The following ERGIC1 variants were observed in gnomAD, a reference collection of about 807,000 sequenced individuals.
ERGIC1 encodes the protein endoplasmic reticulum-Golgi intermediate compartment protein 1.
Under a neutral mutation model 38.3 loss-of-function variants are expected in ERGIC1, and 19 were observed. The observed-to-expected ratio is 0.50, with a 90% CI of 0.35 to 0.73. The LOEUF (loss-of-function observed/expected upper bound fraction) is 0.73. Ranked by LOEUF, ERGIC1 falls within the 30% of genes least tolerant of loss-of-function variation. The probability of loss-of-function intolerance (pLI) is 0.01; values close to 1 mark genes in which losing one functional copy is unlikely to be tolerated. For synonymous variants in ERGIC1, 124 were observed against 157.6 expected (o/e 0.79, Z 1.60); for missense variants, 294 against 389.2 (o/e 0.76, Z 2.06).
intron 1 of ERGIC1, among the ~76,000 whole-genome samples, chr5:172,883,811 A>G (rs1447234198): frequency 1.3e-5 from 2 of 152,104 alleles, no homozygotes; most frequent in African/African-American, 2.4e-5. Flanking sequence ...GCAAAACCCC[A>G]TCCCTACAAA....
chr5:172,924,904 C>T (rs527650046), intron 6 of ERGIC1, among the ~76,000 whole-genome samples: 2 of 152,294 alleles, frequency 1.3e-5, no homozygotes, highest in East Asian at 3.9e-4. Flanking sequence ...CCCTGCCCAC[C>T]TGGAGCTTCC....
chr5:172,910,085 G>A (rs962462924), intron 4 of ERGIC1, among the ~76,000 whole-genome samples: 1 of 152,152 alleles, frequency 6.6e-6, no homozygotes, highest in African/African-American at 2.4e-5. Flanking sequence ...AAGCTGTAAG[G>A]GAGAAACGCA....
intron 7 of ERGIC1, chr5:172,930,956 T>A (rs1341619104): frequency 6.6e-6 from 1 of 152,210 alleles, no homozygotes; most frequent in Non-Finnish European, 1.5e-5. Context: ...GCAGGACTTT[T>A]CTCGGGTTTT....
intron 1 of ERGIC1, among the ~76,000 whole-genome samples, chr5:172,843,425 G>A (rs1317021168): frequency 6.6e-6 from 1 of 152,192 alleles, no homozygotes; most frequent in Non-Finnish European, 1.5e-5. Context: ...CTGCTTTGCT[G>A]ATTTTTCTTG....
chr5:172,834,502 G>C lies in ERGIC1; in HGVS notation c.20+69G>C. The C allele has an allele frequency of 8.0e-7, 1 of 1,256,540 alleles. No homozygotes were observed. The highest frequency in any genetic ancestry group is 1.0e-6 in the Non-Finnish European group (1 of 997,156). 77.8% of individuals were successfully genotyped at this position (1,256,540 alleles called of 1,614,324 possible). On this transcript the variant is annotated intron_variant, in intron 1 of 9. Coordinates refer to ENST00000393784, the MANE Select transcript of ERGIC1 (RefSeq NM_001031711.3). The surrounding 1 kb of genome is among the most constrained non-coding windows in gnomAD (Gnocchi z 4.1). ...CAGAGGGAGCGCCCCGGCACGCCGC[G>C]GACCCCTCCCGCCCTGCATGCAAAA...
chr5:172,941,154 C>T (rs1764002986), intron 9 of ERGIC1, among the ~76,000 whole-genome samples: 1 of 152,048 alleles, frequency 6.6e-6, no homozygotes, highest in Non-Finnish European at 1.5e-5. Context: ...CGCCTGTAGT[C>T]CCAGCTACTG....
intron 1 of ERGIC1, among the ~76,000 whole-genome samples, chr5:172,882,676 T>C (rs1386879824): frequency 6.6e-6 from 1 of 152,180 alleles, no homozygotes; most frequent in Non-Finnish European, 1.5e-5. Flanking sequence ...GAAGTGATTA[T>C]GGTTAAGCAT....
At chr5:172,877,393 C>T (rs913390716) in intron 1 of ERGIC1, among the ~76,000 whole-genome samples, 1 of 143,844 alleles carries the variant, frequency 7.0e-6, no homozygotes, top group Non-Finnish European at 1.5e-5. Context: ...TCAAATTTAT[C>T]TCTAAATATT....
intron 2 of ERGIC1, among the ~76,000 whole-genome samples, chr5:172,895,715 G>A (rs1420684838): frequency 6.6e-6 from 1 of 152,044 alleles, no homozygotes; most frequent in Non-Finnish European, 1.5e-5. Flanking sequence ...CATGTGAGTC[G>A]GGCCTGGGAG....
At chr5:172,839,903 C>T (rs376843450) in intron 1 of ERGIC1, among the ~76,000 whole-genome samples, 3 of 152,348 alleles carry the variant, frequency 2.0e-5, no homozygotes, top group African/African-American at 7.2e-5. Context: ...CAGAGCTCCA[C>T]TGTGTCCTGT....
chr5:172,923,904 C>T (rs1311629573), intron 5 of ERGIC1, 101 bp from the exon 6 acceptor site: 1 of 1,035,978 alleles, frequency 9.7e-7, no homozygotes, highest in Admixed American at 2.0e-5. Context: ...CCCAGATCTG[C>T]CTGATTCCAG....
Position 172,926,788 on chromosome 5 carries a change from C to T in ERGIC1, c.541+219C>T. 1 of 586,400 alleles carries T rather than the reference C, an allele frequency of 1.7e-6. No homozygotes were observed. The highest frequency in any genetic ancestry group is 2.8e-5 in the East Asian group (1 of 35,444). 36.3% of individuals were successfully genotyped at this position (586,400 alleles called of 1,614,324 possible). On this transcript the variant is annotated intron_variant, in intron 7 of 9. Transcript: ENST00000393784. This position sits in a 1 kb window ranked among gnomAD's most constrained non-coding sequence, Gnocchi z 5.2. ...AGAAGGAAGAAGGCTTGTCCCGGGG[C>T]ACAGCAGACGCACGCACGCAGTGGA... is the stretch of plus-strand genomic sequence containing the variant.
rs542215758 is a variant in ERGIC1 at position 172,896,207 on chromosome 5, G to A, written c.83-795G>A. ...AAAATAAAAAAATTAGCTGGGTGTC[G>A]TAGCAGGCACCTGTAATCCCAGCTA... On this transcript the variant is annotated intron_variant, in intron 2 of 9. Coordinates refer to ENST00000393784, the MANE Select transcript of ERGIC1 (RefSeq NM_001031711.3). 8.2e-4 allele frequency among the ~76,000 whole-genome samples: 125 copies of A among 152,206 alleles called. 1 individual carries two copies. Among genetic ancestry groups the A allele is most frequent in the Non-Finnish European group, 1.4e-3 (92 of 68,022 alleles).
chr5:172,920,285 A>G (rs939505176), intron 5 of ERGIC1: 11 of 716,230 alleles, frequency 1.5e-5, no homozygotes, highest in Admixed American at 1.0e-4. Flanking sequence ...TGTGATGGCA[A>G]GGTCAGCAGC....
intron 1 of ERGIC1, among the ~76,000 whole-genome samples, chr5:172,874,872 C>T (rs567359015): frequency 6.6e-5 from 10 of 150,664 alleles, no homozygotes; most frequent in Admixed American, 1.3e-4. Flanking sequence ...CAGCAGTGAG[C>T]CATGATCGCG....
chr5:172,861,289 C>T (rs898332667), intron 1 of ERGIC1, among the ~76,000 whole-genome samples: 2 of 152,330 alleles, frequency 1.3e-5, no homozygotes, highest in African/African-American at 4.8e-5. Context: ...CGGGTCTCTG[C>T]CCTGACCTCA....
chr5:172,904,560 C>T (rs1012136035), intron 3 of ERGIC1, among the ~76,000 whole-genome samples: 2 of 152,218 alleles, frequency 1.3e-5, no homozygotes, highest in African/African-American at 2.4e-5. Flanking sequence ...GGAGTCAGGC[C>T]CATGGAAGTC....
intron 1 of ERGIC1, among the ~76,000 whole-genome samples, chr5:172,855,486 C>T (rs1454264056): frequency 6.6e-6 from 1 of 152,240 alleles, no homozygotes. Flanking sequence ...GCTGACCCCA[C>T]AGACATGGTC....
intron 1 of ERGIC1, among the ~76,000 whole-genome samples, chr5:172,858,264 G>C (rs538598325): frequency 6.6e-6 from 1 of 152,242 alleles, no homozygotes; most frequent in Non-Finnish European, 1.5e-5. Context: ...TGGACAGAGA[G>C]CTGGGGAGTG....
Sources: allele counts gnomAD v4.1 joint callset (sites outside exome capture counted in the v4.1 genomes callset), GRCh38; gene constraint gnomAD v4.1.1; non-coding constraint Gnocchi (gnomAD v3.1); transcripts MANE v1.5; gene names NCBI Gene and HGNC (gene_info 2026-07-23, HGNC 2026-07-21).